TENM2: variants seen among roughly 807,000 people sequenced by gnomAD.
TENM2 encodes the protein teneurin transmembrane protein 2, also known as teneurin-2.
A neutral mutation model predicts 245.2 loss-of-function variants in TENM2; 52 were observed. The observed-to-expected ratio is 0.21, with a 90% CI of 0.17 to 0.27. The LOEUF is 0.27. Among genes scored for constraint, TENM2 ranks in the 10% least tolerant of loss-of-function variants. TENM2 has a pLI of 1.00. For synonymous variants in TENM2, 1,363 were observed against 1,438.9 expected, an observed-to-expected ratio of 0.95 and a Z score of 1.19; for missense variants, 3,046 against 3,666.8, an observed-to-expected ratio of 0.83 and a Z score of 4.37.
the TENM2 span, among the ~76,000 whole-genome samples, chr5:167,123,284 C>T: frequency 1.3e-5 from 2 of 152,150 alleles, no homozygotes; most frequent in African/African-American, 2.4e-5. Flanking sequence ...CGTGCCACTG[C>T]AGTGCAGCCT....
At chr5:167,107,829 A>G in the TENM2 span, among the ~76,000 whole-genome samples, 1 of 152,332 alleles carries the variant, frequency 6.6e-6, no homozygotes. Flanking sequence ...TGTACCCTTA[A>G]GCCATATTCA....
intron 5 of TENM2, among the ~76,000 whole-genome samples, chr5:168,012,044 C>T (rs1785257629): frequency 6.6e-6 from 1 of 152,178 alleles, no homozygotes. Context: ...CTCACGTTCT[C>T]ACCACTATGT....
At chr5:167,532,742 ACC>A (rs143067115) in intron 2 of TENM2, among the ~76,000 whole-genome samples, 16 of 132,866 alleles carry the variant, frequency 1.2e-4, no homozygotes, top group African/African-American at 6.1e-4. Context: ...ATATACACAC[ACC>A]CATATATACA....
rs1222214647 is a variant in TENM2 at position 168,218,344 on chromosome 5, A to T, written c.4453A>T (p.Thr1485Ser). Residue 1485 changes from threonine (T) to serine (S), a missense_variant, in exon 23 of 29, where the codon ACT (threonine) becomes TCT (serine). Physicochemically the swap from Thr to Ser is moderately conservative, Grantham distance 58. This residue lies in a region of TENM2 where 2,704 missense variants were observed against 3,331.9 expected (regional missense o/e 0.81). Transcript: ENST00000518659. This position sits in a 1 kb window ranked among gnomAD's most constrained non-coding sequence, Gnocchi z 5.2. ...AGCCAGTGCCATTGCCATTTCTCAC[A>T]CTGGGGTCCTCTACATCACTGAGAC... is the stretch of plus-strand genomic sequence containing the variant. The T allele has an allele frequency of 6.2e-7, 1 of 1,614,010 alleles. No homozygotes were observed. The highest frequency in any genetic ancestry group is 1.1e-5 in the South Asian group (1 of 91,080).
chr5:167,067,680 G>T, the TENM2 span, among the ~76,000 whole-genome samples: 3 of 152,140 alleles, frequency 2.0e-5, no homozygotes, highest in African/African-American at 7.2e-5. Flanking sequence ...ATTTCTTTAT[G>T]ATGTTGGTCA....
At chr5:167,579,713 T>C (rs1286715981) in intron 2 of TENM2, among the ~76,000 whole-genome samples, 1 of 152,200 alleles carries the variant, frequency 6.6e-6, no homozygotes, top group Non-Finnish European at 1.5e-5. Flanking sequence ...TGTACCTCCC[T>C]TTTCTTCCTA....
intron 23 of TENM2, among the ~76,000 whole-genome samples, chr5:168,219,543 C>T (rs538582578): frequency 2.5e-4 from 38 of 152,082 alleles, no homozygotes; most frequent in Non-Finnish European, 4.6e-4. Flanking sequence ...ATAGTCCTGA[C>T]GCTTGTTTTG....
At chr5:167,082,428 C>G in the TENM2 span, among the ~76,000 whole-genome samples, 1 of 151,978 alleles carries the variant, frequency 6.6e-6, no homozygotes, top group South Asian at 2.1e-4. Flanking sequence ...GGCATACAGG[C>G]GCCTGCCACC....
rs368845859 is a variant in TENM2, at chr5:168,020,456, T to C, written c.1187-26971T>C. Reference sequence around the variant, plus strand: ...GCTCCTGCAAGGCATTTTTCAGTCATTCTGTGTTTGACTTCACCTGGTTAT... The same window carrying C: ...GCTCCTGCAAGGCATTTTTCAGTCACTCTGTGTTTGACTTCACCTGGTTAT... On this transcript the variant is annotated intron_variant, in intron 5 of 28. Coordinates refer to ENST00000518659, the Ensembl canonical transcript of TENM2. 3.3e-5 allele frequency among the ~76,000 whole-genome samples: 5 copies of C among 152,218 alleles called. No homozygotes were observed. The East Asian group carries it at 9.6e-4, about 29-fold the overall frequency.
At chr5:167,768,542 G>T (rs185131342) in intron 2 of TENM2, among the ~76,000 whole-genome samples, 75 of 152,288 alleles carry the variant, frequency 4.9e-4, no homozygotes, top group Admixed American at 1.2e-3. Context: ...TATTTGGGAT[G>T]TTTCCACGAT....
At chr5:167,162,164 T>A in the TENM2 span, among the ~76,000 whole-genome samples, 1 of 145,350 alleles carries the variant, frequency 6.9e-6, no homozygotes, top group African/African-American at 2.6e-5. Flanking sequence ...AGAGCAAGAC[T>A]CCGTCTCAAA....
At chr5:167,521,924 C>T (rs1355725314) in intron 2 of TENM2, among the ~76,000 whole-genome samples, 1 of 152,070 alleles carries the variant, frequency 6.6e-6, no homozygotes, top group Admixed American at 6.6e-5. Context: ...CACTGGTGCA[C>T]AATATTAATT....
chr5:167,022,398 G>A, the TENM2 span, among the ~76,000 whole-genome samples: 3 of 152,132 alleles, frequency 2.0e-5, no homozygotes, highest in Non-Finnish European at 4.4e-5. Context: ...AGAGTACATG[G>A]TTAAAAGATG....
At chr5:167,917,702 A>G (rs1359051378) in intron 3 of TENM2, among the ~76,000 whole-genome samples, 1 of 152,146 alleles carries the variant, frequency 6.6e-6, no homozygotes, top group East Asian at 1.9e-4. Context: ...TTCTTGCCCT[A>G]CAAGTTCATA....
At chr5:167,262,876 TCA>T in the TENM2 span, among the ~76,000 whole-genome samples, 1 of 152,138 alleles carries the variant, frequency 6.6e-6, no homozygotes, top group Non-Finnish European at 1.5e-5. Flanking sequence ...CACTTATTTT[TCA>T]CAGTTCTAGG....
the TENM2 span, among the ~76,000 whole-genome samples, chr5:167,046,370 C>T: frequency 6.6e-6 from 1 of 152,074 alleles, no homozygotes; most frequent in Non-Finnish European, 1.5e-5. Flanking sequence ...TTAAATGGCA[C>T]CATTTTAAAG....
chr5:167,517,498 C>T (rs2127577812), intron 2 of TENM2, among the ~76,000 whole-genome samples: 1 of 152,166 alleles, frequency 6.6e-6, no homozygotes, highest in South Asian at 2.1e-4. Context: ...GAAACGTCTC[C>T]TAGTGCTTAT....
At chr5:167,778,966 G>A (rs1668638677) in intron 2 of TENM2, among the ~76,000 whole-genome samples, 1 of 152,214 alleles carries the variant, frequency 6.6e-6, no homozygotes, top group South Asian at 2.1e-4. Flanking sequence ...TTGGCTAATG[G>A]TGTAAGCAGC....
At chr5:167,562,432 G>C (rs1383354048) in intron 2 of TENM2, among the ~76,000 whole-genome samples, 1 of 152,110 alleles carries the variant, frequency 6.6e-6, no homozygotes, top group Non-Finnish European at 1.5e-5. Flanking sequence ...AAAATGGATG[G>C]TTTCAGATAA....
Sources: allele counts gnomAD v4.1 joint callset (sites outside exome capture counted in the v4.1 genomes callset), GRCh38; gene constraint gnomAD v4.1.1; regional missense constraint gnomAD v4.1.1; non-coding constraint Gnocchi (gnomAD v3.1); transcripts MANE v1.5; gene names NCBI Gene and HGNC (gene_info 2026-07-23, HGNC 2026-07-21).